Variants in TP53INP2 observed in about 807,000 individuals in gnomAD.
The protein encoded by TP53INP2 is tumor protein p53 inducible nuclear protein 2.
Under a neutral mutation model 17.1 loss-of-function variants are expected in TP53INP2, and 12 were observed. That is an observed-to-expected ratio of 0.70 (90% CI 0.45 to 1.14). The LOEUF (loss-of-function observed/expected upper bound fraction) is 1.14, where lower values mean the gene tolerates loss of function less well. Ranked by LOEUF, TP53INP2 falls within the 50% of genes most tolerant of loss-of-function variation. The pLI, the probability that TP53INP2 is intolerant of heterozygous loss-of-function variation, is 0.00. For missense variants in TP53INP2, 342 were observed against 330.9 expected, an observed-to-expected ratio of 1.03 and a Z score of -0.26; for synonymous variants, 145 against 147.3, an observed-to-expected ratio of 0.98 and a Z score of 0.12.
At chr20:34,705,269 C>G (rs952741718) in intron 1 of TP53INP2, 89 bp from the exon 2 acceptor site, 1 of 152,218 alleles carries the variant, frequency 6.6e-6, no homozygotes, top group African/African-American at 2.4e-5. Flanking sequence ...AGATACACAT[C>G]CTCCTTCCAC....
chr20:34,710,059 G>C lies in TP53INP2; in HGVS notation c.415G>C (p.Glu139Gln). 7.8e-7 allele frequency: 1 copy of C among 1,277,972 alleles called. No homozygotes were observed. The highest frequency in any genetic ancestry group is 1.5e-5 in the African/African-American group (1 of 64,958). The allele number at this position is 1,277,972 out of a possible 1,614,324, so 79.2% of individuals were successfully genotyped here. A position where few individuals can be genotyped will look rare whatever the true frequency, so the allele number is the denominator to read the frequency against. The change falls in exon 5 of 5, where the codon GAA becomes CAA. Residue 139 changes from glutamate to glutamine, a missense_variant and splice_region_variant. Transcript: ENST00000374810. The surrounding 1 kb of genome is among the most constrained non-coding windows in gnomAD (Gnocchi z 4.9). ...ALPDGDLSEG[E>Q]LTPARREPRA... The stretch of plus-strand genomic sequence containing the variant: ...CCGAGCCTGGCTCTGTCCTCACAGG[G>C]AATTGACGCCCGCCCGCCGCGAGCC...
intron 2 of TP53INP2, among the ~76,000 whole-genome samples, chr20:34,708,132 T>G (rs1466521361): frequency 6.6e-6 from 1 of 152,194 alleles, no homozygotes; most frequent in African/African-American, 2.4e-5. Flanking sequence ...TCCTATTTAC[T>G]CCTCAGAGTG....
intron 2 of TP53INP2, among the ~76,000 whole-genome samples, chr20:34,707,075 C>G (rs973391457): frequency 6.6e-6 from 1 of 152,122 alleles, no homozygotes; most frequent in Non-Finnish European, 1.5e-5. Flanking sequence ...CATCTTCACC[C>G]AGGGAAGGAT....
In TP53INP2 at chr20:34,712,126, C is replaced by G. The variant is rs767481643; in HGVS notation, c.*1819C>G. The G allele has an allele frequency of 6.5e-6, 1 of 152,716 alleles. No individual in the cohort carries two copies. The highest frequency in any genetic ancestry group is 6.5e-5 in the Admixed American group (1 of 15,282). 9.5% of individuals were successfully genotyped at this position (152,716 alleles called of 1,614,324 possible). A position where few individuals can be genotyped will look rare whatever the true frequency, so the allele number is the denominator to read the frequency against. ...CACTAAAAACGGATCAAAGCTCCCA[C>G]GCCAGTCCACTAGGGCCCCAGTAGT... On this transcript the variant is annotated 3_prime_UTR_variant, in exon 5 of 5. Coordinates refer to ENST00000374810, the MANE Select transcript of TP53INP2 (RefSeq NM_021202.3).
At position 34,710,005 on chromosome 20, in the gene TP53INP2, A is replaced by G; in HGVS notation, c.414-53A>G. The G allele has an allele frequency of 3.3e-5, 14 of 421,588 alleles. No homozygotes were observed. The highest frequency in any genetic ancestry group is 1.4e-4 in the South Asian group (3 of 20,810). 26.1% of individuals were successfully genotyped at this position (421,588 alleles called of 1,614,324 possible). ...AGGGTGGGAGATGGCAGCGCCCTCT[A>G]GACCCCCCGCCCAGCTTACCCGGCT... On this transcript the variant is annotated intron_variant, in intron 4 of 4. Coordinates refer to ENST00000374810, the MANE Select transcript of TP53INP2 (RefSeq NM_021202.3). The surrounding 1 kb of genome is among the most constrained non-coding windows in gnomAD (Gnocchi z 4.9).
In TP53INP2 at chr20:34,713,002, C is replaced by T. The variant is rs1211427000; in HGVS notation, c.*2695C>T. ...AGTTTGGTGCTGTTTTAGAGTATGC[C>T]TGCTCCCCAGCCCCCTGCCTGGAAC... On this transcript the variant is annotated 3_prime_UTR_variant, in exon 5 of 5. Coordinates refer to ENST00000374810, the MANE Select transcript of TP53INP2 (RefSeq NM_021202.3). 1 of 152,768 alleles carries T rather than the reference C, an allele frequency of 6.5e-6. No homozygotes were observed. Among genetic ancestry groups the T allele is most frequent in the Non-Finnish European group, 1.5e-5 (1 of 68,166 alleles). The allele number at this position is 152,768 out of a possible 1,614,324, so 9.5% of individuals were successfully genotyped here.
chr20:34,710,045 T>C lies in TP53INP2; in HGVS notation c.414-13T>C. 1.6e-6 allele frequency: 2 copies of C among 1,286,968 alleles called. No homozygotes were observed. Among genetic ancestry groups the C allele is most frequent in the South Asian group, 2.6e-5 (1 of 38,466 alleles). The allele number at this position is 1,286,968 out of a possible 1,614,324, so 79.7% of individuals were successfully genotyped here. A position where few individuals can be genotyped will look rare whatever the true frequency, so the allele number is the denominator to read the frequency against. On this transcript the variant is annotated splice_polypyrimidine_tract_variant and intron_variant, in intron 4 of 4. Transcript: ENST00000374810. The surrounding 1 kb of genome is among the most constrained non-coding windows in gnomAD (Gnocchi z 4.9). Reference sequence around the variant, plus strand: ...CTTACCCGGCTTGACCGAGCCTGGCTCTGTCCTCACAGGGAATTGACGCCC... The same window carrying C: ...CTTACCCGGCTTGACCGAGCCTGGCCCTGTCCTCACAGGGAATTGACGCCC...
At position 34,710,642 on chromosome 20, in the gene TP53INP2, T is replaced by G. The variant is rs1037517899; in HGVS notation, c.*335T>G. On this transcript the variant is annotated 3_prime_UTR_variant, in exon 5 of 5. Coordinates refer to ENST00000374810, the MANE Select transcript of TP53INP2 (RefSeq NM_021202.3). The surrounding 1 kb of genome is among the most constrained non-coding windows in gnomAD (Gnocchi z 4.9). ...TCCTCTACCTCTGGCCTGCCCCTAT[T>G]TCTGAAAGCTTCTTCCAGTCCCTGA... 3.1e-5 allele frequency: 7 copies of G among 228,832 alleles called. No individual in the cohort carries two copies. Among genetic ancestry groups the G allele is most frequent in the African/African-American group, 1.6e-4 (7 of 44,090 alleles). 14.2% of individuals were successfully genotyped at this position (228,832 alleles called of 1,614,324 possible).
At position 34,709,009 on chromosome 20, in the gene TP53INP2, C is replaced by T. The variant is rs889971261; in HGVS notation, c.124+146C>T. On this transcript the variant is annotated intron_variant, in intron 3 of 4. Coordinates refer to ENST00000374810, the MANE Select transcript of TP53INP2 (RefSeq NM_021202.3). This position sits in a 1 kb window ranked among gnomAD's most constrained non-coding sequence, Gnocchi z 5.4. ...TCACGGGGCCCCTTCCCATGAAAGC[C>T]GGGGCTCTCTCCTGGCGGCCCAGGA... is the stretch of plus-strand genomic sequence containing the variant. 4.2e-6 allele frequency: 6 copies of T among 1,412,724 alleles called. No individual in the cohort carries two copies. In the African/African-American group the frequency reaches 4.3e-5, roughly 10 times the overall value. The allele number at this position is 1,412,724 out of a possible 1,614,324, so 87.5% of individuals were successfully genotyped here.
rs771557877 is a variant in TP53INP2 at position 34,709,351 on chromosome 20, G to A, written c.240G>A (p.Thr80=). The A allele has an allele frequency of 1.9e-6, 3 of 1,613,600 alleles. No homozygotes were observed. Among genetic ancestry groups the A allele is most frequent in the Admixed American group, 1.7e-5 (1 of 60,022 alleles). The change falls in exon 4 of 5, where the codon ACG becomes ACA. Residue 80 remains threonine (T), a synonymous_variant. Coordinates refer to ENST00000374810, the MANE Select transcript of TP53INP2 (RefSeq NM_021202.3). The surrounding 1 kb of genome is among the most constrained non-coding windows in gnomAD (Gnocchi z 5.4). ...TTGTTACCCCTCCCGCCTGTTTTAC[G>A]GCAGAGGGGCCTGGACTCGGTCCCG... ...SWFVTPPACF[T]AEGPGLGPAR... is the part of the protein sequence containing the mutation.
chr20:34,708,269 A>C (rs1988045515), intron 2 of TP53INP2, among the ~76,000 whole-genome samples: 1 of 152,220 alleles, frequency 6.6e-6, no homozygotes, highest in Non-Finnish European at 1.5e-5. Flanking sequence ...CCATATGCCC[A>C]GACAGTTCTA....
At position 34,709,258 on chromosome 20, in the gene TP53INP2, C is replaced by A. The variant is rs778037593; in HGVS notation, c.147C>A (p.Ser49Arg). ...TAGACAGCTACGCGGCTCCACCCAG[C>A]CCCGGGGCCGCCCCTGCCCCCGCGG... Reference protein sequence around the residue: ...DLPDSYAAPPSPGAAPAPAGR... With the variant: ...DLPDSYAAPPRPGAAPAPAGR... Residue 49 changes from serine (S) to arginine (R), a missense_variant, in exon 4 of 5, where the codon AGC (serine) becomes AGA (arginine). Coordinates refer to ENST00000374810, the MANE Select transcript of TP53INP2 (RefSeq NM_021202.3). This position sits in a 1 kb window ranked among gnomAD's most constrained non-coding sequence, Gnocchi z 5.4. 3 of 1,579,266 alleles carry A rather than the reference C, an allele frequency of 1.9e-6. No individual in the cohort carries two copies. The African/African-American group carries it at 4.1e-5, about 21-fold the overall frequency.
In TP53INP2 at chr20:34,712,887, A is replaced by T. The variant is rs2146832975; in HGVS notation, c.*2580A>T. On this transcript the variant is annotated 3_prime_UTR_variant, in exon 5 of 5. Transcript: ENST00000374810. ...TTACATCAAACAGTGACTTCCAGTT[A>T]TTCCCCAGTAAGTCTGAGTGGTTCC... 1 of 152,742 alleles carries T rather than the reference A, an allele frequency of 6.5e-6. No individual in the cohort carries two copies. Among genetic ancestry groups the T allele is most frequent in the Admixed American group, 6.5e-5 (1 of 15,294 alleles). 9.5% of individuals were successfully genotyped at this position (152,742 alleles called of 1,614,324 possible).
chr20:34,710,121 G>A lies in TP53INP2; in HGVS notation c.477G>A (p.Arg159=). The change falls in exon 5 of 5, where the codon CGG becomes CGA. Residue 159 remains arginine (R), a synonymous_variant. Coordinates refer to ENST00000374810, the MANE Select transcript of TP53INP2 (RefSeq NM_021202.3). The surrounding 1 kb of genome is among the most constrained non-coding windows in gnomAD (Gnocchi z 4.9). ...GCCACGCCGCTCCTCTCCCAGCGCG[G>A]GCGGCGCTGCTGGAGAAGGCGGGCC... is the stretch of plus-strand genomic sequence containing the variant. ...AARHAAPLPA[R]AALLEKAGQV... 7.9e-7 allele frequency: 1 copy of A among 1,263,980 alleles called. No homozygotes were observed. 78.3% of individuals were successfully genotyped at this position (1,263,980 alleles called of 1,614,324 possible). A position where few individuals can be genotyped will look rare whatever the true frequency, so the allele number is the denominator to read the frequency against.
chr20:34,708,852 T>C lies in TP53INP2; in HGVS notation c.113T>C (p.Ile38Thr), dbSNP rs1206623067. The change falls in exon 3 of 5, where the codon ATT becomes ACT. Residue 38 changes from isoleucine to threonine, a missense_variant. Ile to Thr is a moderately conservative substitution (Grantham distance 89). Coordinates refer to ENST00000374810, the MANE Select transcript of TP53INP2 (RefSeq NM_021202.3). ...EEDEVDGWLI[I>T]DLPDSYAAPP... Reference sequence around the variant, plus strand: ...GATGAAGTGGACGGCTGGCTCATCATTGACCTGCCGGGTGAGGCCTGGGTC... The same window carrying C: ...GATGAAGTGGACGGCTGGCTCATCACTGACCTGCCGGGTGAGGCCTGGGTC... The C allele has an allele frequency of 3.7e-6, 6 of 1,613,928 alleles. No homozygotes were observed. Among genetic ancestry groups the C allele is most frequent in the South Asian group, 2.2e-5 (2 of 91,072 alleles).
At position 34,713,080 on chromosome 20, in the gene TP53INP2, A is replaced by C. The variant is rs986733740; in HGVS notation, c.*2773A>C. On this transcript the variant is annotated 3_prime_UTR_variant, in exon 5 of 5. Coordinates refer to ENST00000374810, the MANE Select transcript of TP53INP2 (RefSeq NM_021202.3). The stretch of plus-strand genomic sequence containing the variant: ...ATGTCTTAGGTGCAACACGGACCCC[A>C]CCAGAGCTCTTGGATACCCCCCTAG... 3 of 152,488 alleles carry C rather than the reference A, an allele frequency of 2.0e-5. No homozygotes were observed. The highest frequency in any genetic ancestry group is 1.5e-5 in the Non-Finnish European group (1 of 68,072). 9.4% of individuals were successfully genotyped at this position (152,488 alleles called of 1,614,324 possible). A position where few individuals can be genotyped will look rare whatever the true frequency, so the allele number is the denominator to read the frequency against.
In TP53INP2 at chr20:34,710,006, G is replaced by GGGGCC; in HGVS notation, c.414-52_414-51insGGGCC. 8.0e-7 allele frequency: 1 copy of GGGGCC among 1,244,664 alleles called. No homozygotes were observed. Among genetic ancestry groups the GGGGCC allele is most frequent in the Non-Finnish European group, 1.0e-6 (1 of 985,398 alleles). The allele number at this position is 1,244,664 out of a possible 1,614,324, so 77.1% of individuals were successfully genotyped here. ...GGGTGGGAGATGGCAGCGCCCTCTAGACCCCCCGCCCAGCTTACCCGGCTT... is the reference window on the plus strand; with the variant it reads ...GGGTGGGAGATGGCAGCGCCCTCTAGGGGCCACCCCCCGCCCAGCTTACCCGGCTT... On this transcript the variant is annotated intron_variant, in intron 4 of 4. Coordinates refer to ENST00000374810, the MANE Select transcript of TP53INP2 (RefSeq NM_021202.3). The surrounding 1 kb of genome is among the most constrained non-coding windows in gnomAD (Gnocchi z 4.9).
chr20:34,709,517 A>C lies in TP53INP2; in HGVS notation c.406A>C (p.Ser136Arg), dbSNP rs1272359362. 2 of 1,606,796 alleles carry C rather than the reference A, an allele frequency of 1.2e-6. No individual in the cohort carries two copies. Among genetic ancestry groups the C allele is most frequent in the Non-Finnish European group, 1.7e-6 (2 of 1,179,386 alleles). ...PDAALPDGDL[S>R]EGELTPARRE... ...CGCGGCCCTGCCTGACGGCGACCTC[A>C]GCGAAGGGTGAGCGGGCCGGGGGCG... Residue 136 changes from serine to arginine, a missense_variant, in exon 4 of 5, where the codon AGC becomes CGC. By Grantham distance (110) the Ser-to-Arg change is moderately radical. Transcript: ENST00000374810. This position sits in a 1 kb window ranked among gnomAD's most constrained non-coding sequence, Gnocchi z 5.4.
intron 2 of TP53INP2, 117 bp downstream of exon 2, chr20:34,705,591 G>A (rs1432812808): frequency 6.6e-6 from 1 of 152,326 alleles, no homozygotes; most frequent in African/African-American, 2.4e-5. Context: ...CAGCTAGGAA[G>A]GGCCTGACCT....
Sources: allele counts gnomAD v4.1 joint callset (sites outside exome capture counted in the v4.1 genomes callset), GRCh38; gene constraint gnomAD v4.1.1; non-coding constraint Gnocchi (gnomAD v3.1); transcripts MANE v1.5; gene names NCBI Gene and HGNC (gene_info 2026-07-23, HGNC 2026-07-21).